Variants in ROBO2 observed in about 807,000 individuals in gnomAD.
ROBO2 encodes the protein roundabout guidance receptor 2.
ROBO2 carries 53 observed loss-of-function variants against 160.8 expected under a neutral mutation model. The observed-to-expected ratio is 0.33, with a 90% CI of 0.26 to 0.41. The LOEUF is 0.41. ROBO2 is among the 10% of genes least tolerant of loss of function. ROBO2 has a pLI of 1.00. For synonymous variants in ROBO2, 664 were observed against 611.7 expected, an observed-to-expected ratio of 1.09 and a Z score of -1.26; for missense variants, 1,577 against 1,722.4, an observed-to-expected ratio of 0.92 and a Z score of 1.49.
chr3:76,625,880 C>T (rs527494152), intron 2 of ROBO2, among the ~76,000 whole-genome samples: 4 of 151,014 alleles, frequency 2.6e-5, no homozygotes, highest in East Asian at 3.9e-4. Flanking sequence ...ATTTTTTTTT[C>T]GAAGGATTCT....
chr3:77,503,316 G>A (rs925576695), intron 5 of ROBO2, among the ~76,000 whole-genome samples: 11 of 151,464 alleles, frequency 7.3e-5, no homozygotes, highest in Non-Finnish European at 1.5e-4. Flanking sequence ...ACGAGGTCAG[G>A]AGATCGAGAC....
At chr3:76,698,871 T>G (rs2092988869) in intron 2 of ROBO2, among the ~76,000 whole-genome samples, 1 of 152,196 alleles carries the variant, frequency 6.6e-6, no homozygotes, top group Non-Finnish European at 1.5e-5. Context: ...TATTTTGTAC[T>G]TGTGATAAAA....
At chr3:77,607,067 T>G (rs1420324063) in intron 20 of ROBO2, among the ~76,000 whole-genome samples, 3 of 152,218 alleles carry the variant, frequency 2.0e-5, no homozygotes, top group Non-Finnish European at 4.4e-5. Context: ...ATGGCTCATA[T>G]GCTGCTAGCT....
intron 2 of ROBO2, among the ~76,000 whole-genome samples, chr3:76,478,441 G>C (rs1233521967): frequency 6.6e-6 from 1 of 151,638 alleles, no homozygotes; most frequent in Non-Finnish European, 1.5e-5. Flanking sequence ...TTGGACATTT[G>C]GGTTGGTTCC....
At chr3:76,114,672 A>G (rs1375451488) in intron 2 of ROBO2, among the ~76,000 whole-genome samples, 1 of 152,134 alleles carries the variant, frequency 6.6e-6, no homozygotes, top group East Asian at 1.9e-4. Context: ...ACTCATATAC[A>G]TCAGACTTTG....
intron 2 of ROBO2, among the ~76,000 whole-genome samples, chr3:77,392,569 A>G (rs2074849979): frequency 6.6e-6 from 1 of 152,128 alleles, no homozygotes; most frequent in South Asian, 2.1e-4. Flanking sequence ...GGTATTTGCA[A>G]TTGCAGTAAT....
At chr3:77,577,988 G>A (rs926682471) in intron 15 of ROBO2, among the ~76,000 whole-genome samples, 11 of 151,950 alleles carry the variant, frequency 7.2e-5, no homozygotes, top group African/African-American at 1.7e-4. Context: ...TTTAAACCAC[G>A]TTCTCAGAAA....
At chr3:77,388,431 A>G (rs76154038) in intron 2 of ROBO2, among the ~76,000 whole-genome samples, 6,225 of 152,188 alleles carry the variant, frequency 0.041, 449 homozygotes, top group African/African-American at 0.14. Flanking sequence ...CAAACAAACA[A>G]ACAAATGAAA....
intron 2 of ROBO2, among the ~76,000 whole-genome samples, chr3:76,445,479 A>C (rs1218055254): frequency 6.6e-6 from 1 of 152,086 alleles, no homozygotes; most frequent in Admixed American, 6.5e-5. Context: ...AGCTGGTACC[A>C]TTCCTTCTGA....
intron 2 of ROBO2, among the ~76,000 whole-genome samples, chr3:76,665,843 TATTGTGTG>T (rs2091997415): frequency 6.8e-6 from 1 of 147,030 alleles, no homozygotes; most frequent in Admixed American, 6.9e-5. Context: ...TTATTAAAAA[TATTGTGTG>T]ATTGTACGTG....
intron 2 of ROBO2, among the ~76,000 whole-genome samples, chr3:76,587,469 C>T (rs375232630): frequency 9.9e-5 from 15 of 152,202 alleles, no homozygotes; most frequent in East Asian, 3.9e-4. Flanking sequence ...GGGAAGCAAA[C>T]GCACCTTCCT....
intron 2 of ROBO2, among the ~76,000 whole-genome samples, chr3:77,015,565 GCAT>G (rs1263576278): frequency 6.6e-6 from 1 of 152,182 alleles, no homozygotes; most frequent in African/African-American, 2.4e-5. Context: ...GCGTTGGGTA[GCAT>G]CATAAAAAAT....
intron 2 of ROBO2, among the ~76,000 whole-genome samples, chr3:76,477,360 A>T (rs1009238301): frequency 1.3e-5 from 2 of 152,252 alleles, no homozygotes; most frequent in East Asian, 3.9e-4. Context: ...AAATCAGATG[A>T]TTATAAATAT....
chr3:77,261,724 A>G (rs2058786220), intron 2 of ROBO2, among the ~76,000 whole-genome samples: 1 of 151,510 alleles, frequency 6.6e-6, no homozygotes, highest in Non-Finnish European at 1.5e-5. Flanking sequence ...CAATGCAACT[A>G]TGGCAAAACC....
intron 2 of ROBO2, among the ~76,000 whole-genome samples, chr3:77,195,453 GA>G (rs138478850): frequency 6.6e-6 from 1 of 151,458 alleles, no homozygotes; most frequent in African/African-American, 2.4e-5. Flanking sequence ...AGCAGTTCAA[GA>G]AAAAAAATCT....
At chr3:77,517,265 A>G (rs1193637958) in intron 5 of ROBO2, among the ~76,000 whole-genome samples, 1 of 151,512 alleles carries the variant, frequency 6.6e-6, no homozygotes, top group African/African-American at 2.4e-5. Context: ...CTGAAATTCA[A>G]AAAGGGTCAG....
intron 6 of ROBO2, among the ~76,000 whole-genome samples, chr3:77,537,099 T>TGA (rs1553650178): frequency 3.1e-5 from 4 of 127,780 alleles, no homozygotes; most frequent in African/African-American, 1.2e-4. Context: ...ACATATTTTG[T>TGA]GGGGGGGGGG....
At chr3:77,255,182 T>C (rs1213517042) in intron 2 of ROBO2, among the ~76,000 whole-genome samples, 2 of 152,132 alleles carry the variant, frequency 1.3e-5, no homozygotes, top group Non-Finnish European at 2.9e-5. Flanking sequence ...CAAAAATCTA[T>C]TTGGAGGTTT....
In ROBO2 at chr3:76,784,621, G is replaced by C. The variant is rs2062859090; in HGVS notation, c.110-313393G>C. ...GGAGATGCATAAGATGCCAGCCACAGGACAGTATATAGGATGCTTGGGGCA... is the reference window on the plus strand; with the variant it reads ...GGAGATGCATAAGATGCCAGCCACACGACAGTATATAGGATGCTTGGGGCA... On this transcript the variant is annotated intron_variant, in intron 2 of 26. Coordinates refer to the ROBO2 transcript ENST00000487694. 2.6e-5 allele frequency among the ~76,000 whole-genome samples: 4 copies of C among 151,152 alleles called. No individual in the cohort carries two copies. In the Admixed American group the frequency reaches 2.6e-4, roughly 10 times the overall value.
Sources: allele counts gnomAD v4.1 joint callset (sites outside exome capture counted in the v4.1 genomes callset), GRCh38; gene constraint gnomAD v4.1.1; transcripts MANE v1.5; gene names NCBI Gene and HGNC (gene_info 2026-07-23, HGNC 2026-07-21).